Variants in ORC4 observed in about 807,000 individuals in gnomAD.
The protein encoded by ORC4 is origin recognition complex subunit 4.
ORC4 carries 55 observed loss-of-function variants against 63.9 expected under a neutral mutation model. The observed-to-expected ratio is 0.86, with a 90% CI of 0.69 to 1.08. The LOEUF (loss-of-function observed/expected upper bound fraction) is 1.08, where lower values mean the gene tolerates loss of function less well. ORC4 is among the 50% of genes least tolerant of loss of function. The probability of loss-of-function intolerance (pLI) is 0.00; values close to 1 mark genes in which losing one functional copy is unlikely to be tolerated. For missense variants in ORC4, 511 were observed against 504.4 expected (o/e 1.01, Z -0.13); for synonymous variants, 150 against 168.5 (o/e 0.89, Z 0.85).
intron 9 of ORC4, among the ~76,000 whole-genome samples, chr2:147,944,696 T>TA (rs1688558448): frequency 1.5e-5 from 2 of 133,454 alleles, no homozygotes; most frequent in African/African-American, 6.2e-5. Context: ...AAGGATTCTT[T>TA]TAAAAAAAAA....
chr2:147,939,278 AC>A lies in ORC4; in HGVS notation c.850-31del, dbSNP rs766725391. ...GGAAAGACAGATCAGAAAAACAATT[AC>A]GTATTTACATGGGCATTTTGGAGAT... On this transcript the variant is annotated intron_variant, in intron 10 of 13. Transcript: ENST00000392857. 13 of 1,403,046 alleles carry A rather than the reference AC, an allele frequency of 9.3e-6. No individual in the cohort carries two copies. In the African/African-American group the frequency reaches 1.7e-4, roughly 18 times the overall value. The allele number at this position is 1,403,046 out of a possible 1,614,324, so 86.9% of individuals were successfully genotyped here.
At chr2:147,940,372 A>G (rs1004803092) in intron 10 of ORC4, among the ~76,000 whole-genome samples, 14 of 152,100 alleles carry the variant, frequency 9.2e-5, no homozygotes, top group Admixed American at 9.2e-4. Context: ...AACTAAAAGT[A>G]GAACTACCAT....
intron 1 of ORC4, among the ~76,000 whole-genome samples, chr2:148,009,934 T>C (rs997610686): frequency 3.3e-5 from 5 of 152,072 alleles, no homozygotes; most frequent in Admixed American, 1.3e-4. Flanking sequence ...GAAAGAGACA[T>C]TGCATGCAAA....
intron 11 of ORC4, 118 bp downstream of exon 11, chr2:147,939,022 G>A: frequency 1.4e-6 from 1 of 696,828 alleles, no homozygotes; most frequent in South Asian, 1.5e-5. Context: ...AGGCTATATG[G>A]ATACGAAAGT....
At chr2:147,984,346 G>A (rs1427493850) in intron 1 of ORC4, among the ~76,000 whole-genome samples, 1 of 151,722 alleles carries the variant, frequency 6.6e-6, no homozygotes, top group African/African-American at 2.4e-5. Context: ...ATATATAGTA[G>A]ATATATTTTC....
In ORC4 at chr2:147,935,267, T is replaced by TC. The variant is rs1573735639; in HGVS notation, c.*242_*243insG. ...TTAAAAAAGCACATGGTCTAGTCCC[T>TC]AAAACAGTCATATTTTATTCTTCTG... On this transcript the variant is annotated 3_prime_UTR_variant, in exon 14 of 14. Coordinates refer to ENST00000392857, the MANE Select transcript of ORC4 (RefSeq NM_181741.4). 1.9e-6 allele frequency: 1 copy of TC among 519,812 alleles called. No homozygotes were observed. Among genetic ancestry groups the TC allele is most frequent in the East Asian group, 3.5e-5 (1 of 28,668 alleles). 32.2% of individuals were successfully genotyped at this position (519,812 alleles called of 1,614,324 possible).
At chr2:147,973,133 C>T (rs183706064) in intron 3 of ORC4, among the ~76,000 whole-genome samples, 91 of 152,242 alleles carry the variant, frequency 6.0e-4, no homozygotes, top group Non-Finnish European at 8.8e-4. Context: ...AATCTCTTTT[C>T]CTACTAATAC....
intron 1 of ORC4, among the ~76,000 whole-genome samples, chr2:147,983,080 T>C (rs1428876606): frequency 6.6e-6 from 1 of 152,178 alleles, no homozygotes; most frequent in Non-Finnish European, 1.5e-5. Flanking sequence ...ATGGTGAGGA[T>C]GTAAAGAAAA....
At chr2:147,999,964 TAC>T (rs1156842841) in intron 1 of ORC4, among the ~76,000 whole-genome samples, 9 of 150,624 alleles carry the variant, frequency 6.0e-5, no homozygotes, top group Non-Finnish European at 1.3e-4. Context: ...AAGAAAATTA[TAC>T]AGAGATCAAA....
rs72855242 is a variant in ORC4 at position 148,006,313 on chromosome 2, C to G, written c.-18+14320G>C. Among the ~76,000 whole-genome samples, 5 of 151,350 alleles carry G rather than the reference C, an allele frequency of 3.3e-5. No homozygotes were observed. The South Asian group carries it at 6.2e-4, about 19-fold the overall frequency. On this transcript the variant is annotated intron_variant, in intron 1 of 13. Coordinates refer to ENST00000392857, the MANE Select transcript of ORC4 (RefSeq NM_181741.4). Reference sequence around the variant, plus strand: ...CCTGGGCCAGAGAGAAATCCTCCCCCCAAGGAGAGTAATTGGTTTTCATCA... The same window carrying G: ...CCTGGGCCAGAGAGAAATCCTCCCCGCAAGGAGAGTAATTGGTTTTCATCA...
chr2:147,986,765 A>G (rs1222538877), intron 1 of ORC4, among the ~76,000 whole-genome samples: 1 of 142,068 alleles, frequency 7.0e-6, no homozygotes, highest in Non-Finnish European at 1.5e-5. Context: ...TTAAAAACAC[A>G]ATTTTATACA....
chr2:147,939,075 A>C, intron 11 of ORC4, 65 bp downstream of exon 11: 1 of 958,370 alleles, frequency 1.0e-6, no homozygotes, highest in Admixed American at 1.7e-5. Context: ...AATTTTAAAA[A>C]CATTCCATTA....
At chr2:147,950,660 G>T (rs1215038107) in intron 8 of ORC4, among the ~76,000 whole-genome samples, 1 of 151,700 alleles carries the variant, frequency 6.6e-6, no homozygotes, top group Non-Finnish European at 1.5e-5. Context: ...AGCTACTCGG[G>T]AGGCTAAGGC....
At chr2:147,992,624 A>C (rs954118564) in intron 1 of ORC4, among the ~76,000 whole-genome samples, 1 of 152,320 alleles carries the variant, frequency 6.6e-6, no homozygotes. Context: ...TAATGAATAG[A>C]ATACTGTCCA....
chr2:147,953,336 G>A (rs1224617503), intron 7 of ORC4, among the ~76,000 whole-genome samples: 1 of 152,080 alleles, frequency 6.6e-6, no homozygotes, highest in Non-Finnish European at 1.5e-5. Flanking sequence ...CTAGTTCCTA[G>A]ACTCTAGTAG....
At position 147,933,893 on chromosome 2, in the gene ORC4, G is replaced by A. The variant is rs1687910400; in HGVS notation, c.*1617C>T. 6.6e-6 allele frequency: 1 copy of A among 152,108 alleles called. No homozygotes were observed. The highest frequency in any genetic ancestry group is 1.5e-5 in the Non-Finnish European group (1 of 68,000). The allele number at this position is 152,108 out of a possible 1,614,324, so 9.4% of individuals were successfully genotyped here. A position where few individuals can be genotyped will look rare whatever the true frequency, so the allele number is the denominator to read the frequency against. On this transcript the variant is annotated 3_prime_UTR_variant, in exon 14 of 14. Transcript: ENST00000392857. ...TGACAGGGATCTGAATACTTAGCAG[G>A]CTTAACTTTTTGCAGGGAAGGAAAG...
intron 1 of ORC4, among the ~76,000 whole-genome samples, chr2:147,987,549 G>A (rs1691293774): frequency 6.6e-6 from 1 of 151,966 alleles, no homozygotes; most frequent in Non-Finnish European, 1.5e-5. Flanking sequence ...CTAGTATTAT[G>A]AGCATCTTAC....
At chr2:147,940,920 GC>G (rs1464052682) in intron 10 of ORC4, among the ~76,000 whole-genome samples, 12 of 152,104 alleles carry the variant, frequency 7.9e-5, no homozygotes, top group African/African-American at 2.9e-4. Context: ...TAGAGTTGAA[GC>G]CCATCTCCTC....
At chr2:148,005,656 C>CAAAAAAAAAAAAAAAAAAAAAAAAAAAA (rs55869341) in intron 1 of ORC4, among the ~76,000 whole-genome samples, 1 of 51,490 alleles carries the variant, frequency 1.9e-5, no homozygotes, top group African/African-American at 7.8e-5. Context: ...ACTATCCATG[C>CAAAAAAAAAAAAAAAAAAAAAAAAAAAA]AAAAAAAAAA....
Sources: gnomAD v4.1 joint callset for allele counts (sites outside exome capture counted in the v4.1 genomes callset) on GRCh38, gnomAD v4.1.1 for gene constraint, MANE v1.5 for transcripts, NCBI Gene and HGNC (gene_info 2026-07-23, HGNC 2026-07-21) for gene names.